Variants in PRKN observed in about 807,000 individuals in gnomAD.
PRKN encodes the protein E3 ubiquitin-protein ligase parkin.
In PRKN, 56 loss-of-function variants were observed where a neutral mutation model predicts 59.5. That is an observed-to-expected ratio of 0.94 (90% CI 0.76 to 1.18). PRKN has a LOEUF of 1.18. Ranked by LOEUF, PRKN falls within the 50% of genes most tolerant of loss-of-function variation. The pLI is 0.00. For synonymous variants in PRKN, 250 were observed against 222.1 expected (o/e 1.13, Z -1.12); for missense variants, 657 against 596.4 (o/e 1.10, Z -1.06).
At chr6:162,324,397 C>T (rs1018573790) in intron 2 of PRKN, among the ~76,000 whole-genome samples, 3 of 152,074 alleles carry the variant, frequency 2.0e-5, no homozygotes, top group African/African-American at 7.2e-5. Flanking sequence ...AATTCACAAA[C>T]ATTTATATGC....
chr6:162,077,581 T>C (rs974994386), intron 4 of PRKN, among the ~76,000 whole-genome samples: 4 of 152,098 alleles, frequency 2.6e-5, no homozygotes, highest in African/African-American at 9.7e-5. Flanking sequence ...TCTTTCAAAA[T>C]AGCCCATCCC....
chr6:162,612,823 G>A (rs1003286174), intron 1 of PRKN, among the ~76,000 whole-genome samples: 1 of 152,030 alleles, frequency 6.6e-6, no homozygotes, highest in Non-Finnish European at 1.5e-5. Flanking sequence ...CCAGGAGAGA[G>A]GCTGCACCTG....
chr6:161,865,666 T>C (rs1023246985), intron 6 of PRKN, among the ~76,000 whole-genome samples: 2 of 152,204 alleles, frequency 1.3e-5, no homozygotes, highest in Non-Finnish European at 2.9e-5. Flanking sequence ...CATGCAACTT[T>C]CTCACCTCTC....
chr6:162,663,229 C>T (rs960144268), intron 1 of PRKN, among the ~76,000 whole-genome samples: 4 of 152,076 alleles, frequency 2.6e-5, no homozygotes, highest in Non-Finnish European at 5.9e-5. Context: ...CTCACAATAA[C>T]CCTGTGAGGC....
intron 7 of PRKN, among the ~76,000 whole-genome samples, chr6:161,773,697 T>G (rs983864332): frequency 6.6e-6 from 1 of 152,200 alleles, no homozygotes; most frequent in African/African-American, 2.4e-5. Context: ...AGAATGTGCT[T>G]TTTAAGAGTT....
At chr6:162,018,017 A>C (rs1031861550) in intron 5 of PRKN, among the ~76,000 whole-genome samples, 9 of 151,676 alleles carry the variant, frequency 5.9e-5, no homozygotes, top group African/African-American at 1.9e-4. Context: ...AGGCCATAAT[A>C]ACTTTTATTT....
chr6:162,374,338 C>T (rs1288289439), intron 2 of PRKN, among the ~76,000 whole-genome samples: 1 of 150,146 alleles, frequency 6.7e-6, no homozygotes, highest in Non-Finnish European at 1.5e-5. Flanking sequence ...TAGAAGGAAC[C>T]TCTGTGTGTT....
intron 6 of PRKN, among the ~76,000 whole-genome samples, chr6:161,954,941 G>T (rs901719008): frequency 6.6e-6 from 1 of 152,132 alleles, no homozygotes; most frequent in African/African-American, 2.4e-5. Context: ...CAGCCCCATG[G>T]CTCAATGTGA....
At chr6:162,725,538 T>C (rs890445999) in intron 1 of PRKN, among the ~76,000 whole-genome samples, 5 of 152,038 alleles carry the variant, frequency 3.3e-5, no homozygotes, top group South Asian at 2.1e-4. Context: ...TGCGGGAGGA[T>C]TGCTTGAGCC....
At chr6:162,342,658 C>T (rs1784231612) in intron 2 of PRKN, among the ~76,000 whole-genome samples, 2 of 152,256 alleles carry the variant, frequency 1.3e-5, no homozygotes, top group African/African-American at 4.8e-5. Flanking sequence ...CATTTACTTA[C>T]TCCTCAGTGA....
intron 6 of PRKN, among the ~76,000 whole-genome samples, chr6:161,952,706 C>A (rs1780034218): frequency 6.6e-6 from 1 of 152,116 alleles, no homozygotes; most frequent in Non-Finnish European, 1.5e-5. Context: ...GAAGTAAAAG[C>A]CTGGAGGGGA....
chr6:162,130,840 T>A (rs1055432907), intron 4 of PRKN, among the ~76,000 whole-genome samples: 9 of 152,148 alleles, frequency 5.9e-5, no homozygotes, highest in Non-Finnish European at 1.0e-4. Flanking sequence ...AATATTTTTG[T>A]CACAGGATTA....
Position 162,302,022 on chromosome 6 carries a change from G to A in PRKN, c.172-39257C>T, listed in dbSNP as rs187209308. 2.6e-5 allele frequency among the ~76,000 whole-genome samples: 4 copies of A among 151,998 alleles called. 1 individual carries two copies. Among genetic ancestry groups the A allele is most frequent in the Non-Finnish European group, 5.9e-5 (4 of 68,034 alleles). ...CTGGTCAAAGACATTTTCTTTTCTCGTGTCCTTGCATTAATCAATGGTTTG... is the reference window on the plus strand; with the variant it reads ...CTGGTCAAAGACATTTTCTTTTCTCATGTCCTTGCATTAATCAATGGTTTG... On this transcript the variant is annotated intron_variant, in intron 2 of 11. Coordinates refer to ENST00000366898, the MANE Select transcript of PRKN (RefSeq NM_004562.3).
At chr6:162,705,038 A>T (rs182710636) in intron 1 of PRKN, among the ~76,000 whole-genome samples, 2,388 of 152,042 alleles carry the variant, frequency 0.016, 61 homozygotes, top group African/African-American at 0.052. Context: ...TTGCTTTTTT[A>T]AAAAAAATTG....
chr6:162,194,225 T>A (rs1255094974), intron 4 of PRKN, among the ~76,000 whole-genome samples: 4 of 152,228 alleles, frequency 2.6e-5, no homozygotes, highest in African/African-American at 9.6e-5. Flanking sequence ...TTCAACAAAT[T>A]GATCATTCAT....
chr6:161,452,631 C>T (rs1245792305), intron 9 of PRKN, among the ~76,000 whole-genome samples: 2 of 152,138 alleles, frequency 1.3e-5, no homozygotes, highest in South Asian at 2.1e-4. Context: ...GAAACTATTG[C>T]ACCATCCCAC....
chr6:162,652,302 T>C (rs906218185), intron 1 of PRKN, among the ~76,000 whole-genome samples: 41 of 152,342 alleles, frequency 2.7e-4, no homozygotes, highest in African/African-American at 9.4e-4. Context: ...TGATATGTCA[T>C]AGCGATCTTC....
At chr6:162,627,715 C>G (rs1174088151) in intron 1 of PRKN, among the ~76,000 whole-genome samples, 1 of 152,100 alleles carries the variant, frequency 6.6e-6, no homozygotes, top group African/African-American at 2.4e-5. Context: ...ACACAAGAAT[C>G]TGCAATAACT....
intron 7 of PRKN, among the ~76,000 whole-genome samples, chr6:161,776,220 G>A (rs1419710352): frequency 6.6e-6 from 1 of 152,166 alleles, no homozygotes; most frequent in Non-Finnish European, 1.5e-5. Context: ...ACCAAGTTGG[G>A]TGAGTGCTAC....
Sources: gnomAD v4.1 joint callset for allele counts (sites outside exome capture counted in the v4.1 genomes callset) on GRCh38, gnomAD v4.1.1 for gene constraint, MANE v1.5 for transcripts, NCBI Gene and HGNC (gene_info 2026-07-23, HGNC 2026-07-21) for gene names.